Variants in SGCZ observed in about 807,000 individuals in gnomAD.
SGCZ encodes the protein zeta-sarcoglycan.
A neutral mutation model predicts 41.3 loss-of-function variants in SGCZ; 40 were observed. That is an observed-to-expected ratio of 0.97 (90% CI 0.75 to 1.26). The LOEUF is 1.26. Ranked by LOEUF, SGCZ falls within the 50% of genes most tolerant of loss-of-function variation. The probability of loss-of-function intolerance (pLI) is 0.00; values close to 1 mark genes in which losing one functional copy is unlikely to be tolerated. For synonymous variants in SGCZ, 206 were observed against 137.5 expected (o/e 1.50, Z -3.49); for missense variants, 552 against 369.8 (o/e 1.49, Z -4.04).
rs1456015260 is a variant in SGCZ at position 14,434,276 on chromosome 8, T to A, written c.235-110072A>T. ...TGCTTTGTCAAAGATCAGTTGGCTG[T>A]AAGCATTTGGGTTTATTTCTGGGTT... On this transcript the variant is annotated intron_variant, in intron 2 of 7. Coordinates refer to ENST00000382080, the MANE Select transcript of SGCZ (RefSeq NM_139167.4). Among the ~76,000 whole-genome samples, 3 of 152,182 alleles carry A rather than the reference T, an allele frequency of 2.0e-5. No homozygotes were observed. The East Asian group carries it at 5.8e-4, about 29-fold the overall frequency.
intron 1 of SGCZ, among the ~76,000 whole-genome samples, chr8:14,823,299 A>G (rs1405111897): frequency 6.6e-6 from 1 of 152,138 alleles, no homozygotes; most frequent in Non-Finnish European, 1.5e-5. Context: ...GAGACGACAT[A>G]CAAAACAGAA....
At chr8:14,598,720 T>C (rs1024123644) in intron 1 of SGCZ, among the ~76,000 whole-genome samples, 1 of 151,978 alleles carries the variant, frequency 6.6e-6, no homozygotes, top group Non-Finnish European at 1.5e-5. Context: ...TGTAGAGATA[T>C]GTTTTTGCCA....
At chr8:14,117,407 TC>T (rs1447425435) in intron 5 of SGCZ, among the ~76,000 whole-genome samples, 1 of 96,928 alleles carries the variant, frequency 1.0e-5, no homozygotes, top group Non-Finnish European at 2.2e-5. Context: ...GATGCACACA[TC>T]TGTGTGTGTG....
chr8:14,382,280 C>A (rs115379507), intron 2 of SGCZ, among the ~76,000 whole-genome samples: 1,598 of 152,206 alleles, frequency 0.01, 24 homozygotes, highest in African/African-American at 0.035. Flanking sequence ...TACAAAACTT[C>A]TTTACATCCT....
intron 1 of SGCZ, among the ~76,000 whole-genome samples, chr8:14,729,057 T>G (rs773594700): frequency 7.9e-5 from 12 of 152,190 alleles, no homozygotes; most frequent in Non-Finnish European, 1.5e-5. Flanking sequence ...AAGGAAGGAA[T>G]CCAGTATTTA....
intron 1 of SGCZ, among the ~76,000 whole-genome samples, chr8:15,089,733 C>G (rs1806081259): frequency 6.6e-6 from 1 of 152,212 alleles, no homozygotes; most frequent in South Asian, 2.1e-4. Flanking sequence ...AGGACATGAA[C>G]AGAATGTGCT....
intron 1 of SGCZ, among the ~76,000 whole-genome samples, chr8:14,863,845 G>C (rs576672041): frequency 1.3e-5 from 2 of 152,014 alleles, no homozygotes; most frequent in African/African-American, 4.8e-5. Context: ...AATATACTCA[G>C]GGGGGCAATT....
intron 1 of SGCZ, among the ~76,000 whole-genome samples, chr8:15,027,494 G>A (rs564861945): frequency 6.6e-6 from 1 of 152,198 alleles, no homozygotes; most frequent in African/African-American, 2.4e-5. Flanking sequence ...TGAGCTGAAT[G>A]TACATTCTGA....
At chr8:15,141,242 T>G (rs1020179174) in intron 1 of SGCZ, among the ~76,000 whole-genome samples, 8 of 152,242 alleles carry the variant, frequency 5.3e-5, no homozygotes, top group Admixed American at 2.0e-4. Context: ...TACCAGGGAC[T>G]GGTGGTAGGG....
At chr8:15,103,138 A>T (rs1840353) in intron 1 of SGCZ, among the ~76,000 whole-genome samples, 8 of 152,162 alleles carry the variant, frequency 5.3e-5, no homozygotes, top group Admixed American at 5.2e-4. Context: ...CAGTGGCTCA[A>T]GGCTGTAATC....
rs1801518280 is a variant in SGCZ, at chr8:14,086,194, T to C, written c.*4249A>G. ...ATTAGGTGACAAGACCTCACTCATATAAAACTCAAATATGAATTTGGCTTT... is the reference window on the plus strand; with the variant it reads ...ATTAGGTGACAAGACCTCACTCATACAAAACTCAAATATGAATTTGGCTTT... On this transcript the variant is annotated 3_prime_UTR_variant, in exon 8 of 8. Coordinates refer to ENST00000382080, the MANE Select transcript of SGCZ (RefSeq NM_139167.4). Among the ~76,000 whole-genome samples the C allele has an allele frequency of 6.6e-6, 1 of 151,718 alleles. No individual in the cohort carries two copies. The highest frequency in any genetic ancestry group is 2.1e-4 in the South Asian group (1 of 4,830).
intron 1 of SGCZ, among the ~76,000 whole-genome samples, chr8:15,123,635 T>C (rs1017837659): frequency 1.3e-5 from 2 of 152,196 alleles, no homozygotes; most frequent in Admixed American, 1.3e-4. Context: ...TCACATTTTT[T>C]ATCCCATCAA....
intron 3 of SGCZ, among the ~76,000 whole-genome samples, chr8:14,276,751 C>T (rs1405457999): frequency 1.3e-5 from 2 of 152,178 alleles, no homozygotes; most frequent in African/African-American, 4.8e-5. Context: ...ACTCTGCCTT[C>T]TGTTTAACTG....
intron 3 of SGCZ, among the ~76,000 whole-genome samples, chr8:14,256,923 T>G (rs1246572706): frequency 6.6e-6 from 1 of 152,196 alleles, no homozygotes; most frequent in Non-Finnish European, 1.5e-5. Context: ...AACACTGAGT[T>G]AGACGTATAT....
intron 1 of SGCZ, among the ~76,000 whole-genome samples, chr8:14,752,943 G>C (rs1291004588): frequency 2.0e-5 from 3 of 152,130 alleles, no homozygotes; most frequent in African/African-American, 7.2e-5. Context: ...CTCTGAAATA[G>C]TAGGATAGTA....
chr8:14,266,494 G>A (rs1241471583), intron 3 of SGCZ, among the ~76,000 whole-genome samples: 3 of 152,010 alleles, frequency 2.0e-5, no homozygotes, highest in African/African-American at 7.2e-5. Context: ...AGCCAGGTAG[G>A]GACCCAAGAA....
intron 2 of SGCZ, among the ~76,000 whole-genome samples, chr8:14,369,156 T>C (rs1403815019): frequency 6.6e-6 from 1 of 151,900 alleles, no homozygotes; most frequent in Admixed American, 6.6e-5. Flanking sequence ...ACAAATCTTA[T>C]TTGTATTTTA....
chr8:14,917,965 C>G (rs916455815), intron 1 of SGCZ, among the ~76,000 whole-genome samples: 2 of 152,054 alleles, frequency 1.3e-5, no homozygotes, highest in African/African-American at 4.8e-5. Context: ...AGGCTAGTTG[C>G]TATTACACCT....
chr8:14,668,013 G>A (rs1320719484), intron 1 of SGCZ, among the ~76,000 whole-genome samples: 1 of 152,098 alleles, frequency 6.6e-6, no homozygotes, highest in African/African-American at 2.4e-5. Context: ...CTGTAGTGCA[G>A]TGGCACAATC....
Sources: allele counts gnomAD v4.1 joint callset (sites outside exome capture counted in the v4.1 genomes callset), GRCh38; gene constraint gnomAD v4.1.1; transcripts MANE v1.5; gene names NCBI Gene and HGNC (gene_info 2026-07-23, HGNC 2026-07-21).